The following MAGI2 variants were observed in gnomAD, a reference collection of about 807,000 sequenced individuals.
The protein encoded by MAGI2 is membrane associated guanylate kinase, WW and PDZ domain containing 2.
Under a neutral mutation model 133.3 loss-of-function variants are expected in MAGI2, and 35 were observed. The ratio of observed to expected loss-of-function variants is 0.26; its 90% CI spans 0.20 to 0.35. The LOEUF is 0.35. Among genes scored for constraint, MAGI2 ranks in the 10% least tolerant of loss-of-function variants. MAGI2 has a pLI of 1.00. For missense variants in MAGI2, 1,636 were observed against 1,863.4 expected, an observed-to-expected ratio of 0.88 and a Z score of 2.25; for synonymous variants, 729 against 710.6, an observed-to-expected ratio of 1.03 and a Z score of -0.41.
At chr7:79,275,270 G>A (rs1296926973) in intron 1 of MAGI2, among the ~76,000 whole-genome samples, 1 of 152,118 alleles carries the variant, frequency 6.6e-6, no homozygotes, top group African/African-American at 2.4e-5. Flanking sequence ...CTACTCCAGT[G>A]AACATACAAA....
At chr7:78,494,936 A>C (rs1342189193) in intron 5 of MAGI2, among the ~76,000 whole-genome samples, 1 of 152,218 alleles carries the variant, frequency 6.6e-6, no homozygotes, top group Non-Finnish European at 1.5e-5. Context: ...ACAAGAGATT[A>C]AAGCCAATGA....
chr7:78,322,555 A>G (rs1788112522), intron 9 of MAGI2, among the ~76,000 whole-genome samples: 1 of 152,184 alleles, frequency 6.6e-6, no homozygotes, highest in South Asian at 2.1e-4. Context: ...GTGGGAGTTG[A>G]ACAACGAGAA....
At chr7:78,957,716 T>G (rs908094869) in intron 2 of MAGI2, among the ~76,000 whole-genome samples, 2 of 152,128 alleles carry the variant, frequency 1.3e-5, no homozygotes, top group African/African-American at 4.8e-5. Flanking sequence ...GGTAACTTAC[T>G]CAAGATCACA....
At chr7:78,646,747 T>C (rs1810935587) in intron 2 of MAGI2, among the ~76,000 whole-genome samples, 1 of 152,246 alleles carries the variant, frequency 6.6e-6, no homozygotes, top group South Asian at 2.1e-4. Flanking sequence ...AACTGCTACC[T>C]GAATGAAAAT....
At chr7:78,623,790 A>G (rs1157748915) in intron 3 of MAGI2, among the ~76,000 whole-genome samples, 1 of 152,152 alleles carries the variant, frequency 6.6e-6, no homozygotes, top group Admixed American at 6.6e-5. Context: ...TTGTGTAACG[A>G]CATTTTGGTC....
At chr7:78,527,584 T>C (rs1481671995) in intron 3 of MAGI2, among the ~76,000 whole-genome samples, 3 of 152,232 alleles carry the variant, frequency 2.0e-5, no homozygotes, top group African/African-American at 7.2e-5. Context: ...CCATGTTCTT[T>C]ATGCTTTTAA....
At chr7:78,970,134 T>C (rs529243787) in intron 2 of MAGI2, among the ~76,000 whole-genome samples, 28 of 152,214 alleles carry the variant, frequency 1.8e-4, no homozygotes, top group African/African-American at 6.7e-4. Flanking sequence ...CCTGGCATTA[T>C]ACAATTTTTA....
intron 2 of MAGI2, among the ~76,000 whole-genome samples, chr7:78,666,118 A>T (rs1217452371): frequency 1.3e-5 from 2 of 152,160 alleles, no homozygotes; most frequent in African/African-American, 4.8e-5. Flanking sequence ...ATCCAACGTA[A>T]GTCTCAAAAT....
intron 1 of MAGI2, among the ~76,000 whole-genome samples, chr7:79,418,483 A>T (rs1846698726): frequency 6.6e-6 from 1 of 152,122 alleles, no homozygotes; most frequent in South Asian, 2.1e-4. Flanking sequence ...AGTGATCAAC[A>T]GCGCCACAAT....
At position 78,719,875 on chromosome 7, in the gene MAGI2, T is replaced by A. The variant is rs112301914; in HGVS notation, c.419-92636A>T. ...TCTTGAAATAAGTAAAAAGTTTAAA[T>A]AGAGGTGATATGCAACTCCAGTTTA... On this transcript the variant is annotated intron_variant, in intron 2 of 21. Transcript: ENST00000354212. 7.2e-3 allele frequency among the ~76,000 whole-genome samples: 1,093 copies of A among 152,296 alleles called. 8 individuals carry two copies. Among genetic ancestry groups the A allele is most frequent in the Middle Eastern group, 0.055 (16 of 292 alleles).
intron 2 of MAGI2, among the ~76,000 whole-genome samples, chr7:78,750,680 G>A (rs1330932482): frequency 1.3e-5 from 2 of 152,146 alleles, no homozygotes; most frequent in Non-Finnish European, 2.9e-5. Context: ...TTCCTCTGGA[G>A]AACAGATATG....
intron 3 of MAGI2, among the ~76,000 whole-genome samples, chr7:78,547,931 G>T (rs987023270): frequency 1.3e-4 from 20 of 152,156 alleles, no homozygotes; most frequent in African/African-American, 4.8e-4. Context: ...CTTAGGAACT[G>T]GTGAGTACAG....
intron 2 of MAGI2, among the ~76,000 whole-genome samples, chr7:78,743,403 A>G (rs1387141748): frequency 6.6e-6 from 1 of 152,232 alleles, no homozygotes; most frequent in African/African-American, 2.4e-5. Flanking sequence ...AAAGCATTTC[A>G]CCAAAAAAAG....
At chr7:78,964,135 G>A (rs965382219) in intron 2 of MAGI2, among the ~76,000 whole-genome samples, 17 of 151,066 alleles carry the variant, frequency 1.1e-4, no homozygotes, top group Non-Finnish European at 2.2e-4. Flanking sequence ...GGGCATCTAC[G>A]CTCTTTTTTT....
At chr7:78,211,127 A>G (rs894878225) in intron 10 of MAGI2, among the ~76,000 whole-genome samples, 4 of 152,190 alleles carry the variant, frequency 2.6e-5, no homozygotes, top group Non-Finnish European at 5.9e-5. Context: ...ATGAGACAAG[A>G]GAGGGTGTGA....
At chr7:79,266,967 G>A (rs1411734764) in intron 1 of MAGI2, among the ~76,000 whole-genome samples, 1 of 152,150 alleles carries the variant, frequency 6.6e-6, no homozygotes, top group Non-Finnish European at 1.5e-5. Context: ...AAGGGGGAAT[G>A]ATACAGACTT....
At chr7:79,367,141 C>T (rs892036327) in intron 1 of MAGI2, among the ~76,000 whole-genome samples, 2 of 152,136 alleles carry the variant, frequency 1.3e-5, no homozygotes, top group African/African-American at 4.8e-5. Flanking sequence ...AGACCAAATC[C>T]CTCTTCCTTC....
At chr7:78,127,110 A>G (rs556682124) in intron 19 of MAGI2, 87 bp downstream of exon 19, 120 of 1,067,672 alleles carry the variant, frequency 1.1e-4, no homozygotes, top group Admixed American at 5.5e-4. Flanking sequence ...CCAGACAGGT[A>G]CTCTTTCCTC....
chr7:78,792,038 T>C (rs1787196285), intron 2 of MAGI2, among the ~76,000 whole-genome samples: 1 of 152,172 alleles, frequency 6.6e-6, no homozygotes, highest in Non-Finnish European at 1.5e-5. Context: ...CGGACAGATT[T>C]TGGCTGAATT....
Sources: gnomAD v4.1 joint callset for allele counts (sites outside exome capture counted in the v4.1 genomes callset) on GRCh38, gnomAD v4.1.1 for gene constraint, MANE v1.5 for transcripts, NCBI Gene and HGNC (gene_info 2026-07-23, HGNC 2026-07-21) for gene names.